Variants in ANKLE2 observed in about 807,000 individuals in gnomAD.
ANKLE2 encodes ankyrin repeat and LEM domain containing 2.
Under a neutral mutation model 84.2 loss-of-function variants are expected in ANKLE2, and 55 were observed. The ratio of observed to expected loss-of-function variants is 0.65; its 90% confidence interval spans 0.53 to 0.82. The LOEUF is 0.82. Ranked by LOEUF, ANKLE2 falls within the 40% of genes least tolerant of loss-of-function variation. The pLI, the probability that ANKLE2 is intolerant of heterozygous loss-of-function variation, is 0.00. For synonymous variants in ANKLE2, 551 were observed against 486.1 expected, an observed-to-expected ratio of 1.13 and a Z score of -1.76; for missense variants, 1,238 against 1,201.9, an observed-to-expected ratio of 1.03 and a Z score of -0.44.
chr12:132,736,373 C>T (rs935918403), intron 8 of ANKLE2, among the ~76,000 whole-genome samples: 1 of 152,228 alleles, frequency 6.6e-6, no homozygotes, highest in African/African-American at 2.4e-5. Context: ...AGTGTACAAC[C>T]TTTGACCCAG....
Position 132,729,851 on chromosome 12 carries a change from C to T in ANKLE2, c.2311G>A (p.Glu771Lys). The T allele has an allele frequency of 6.2e-7, 1 of 1,613,642 alleles. No individual in the cohort carries two copies. The highest frequency in any genetic ancestry group is 8.5e-7 in the Non-Finnish European group (1 of 1,179,880). ...GGAGAAGGCTCTAACAAGTCTCTTT[C>T]TACTGCATTGATTCTTGAAGTCAGG... ...QILTSRINAV[E>K]RDLLEPSPAD... Residue 771 changes from glutamate (E) to lysine (K), a missense_variant, in exon 11 of 13, where the codon GAA becomes AAA. By Grantham distance (56) the Glu-to-Lys change is moderately conservative (BLOSUM62 1). Coordinates refer to ENST00000357997, the MANE Select transcript of ANKLE2 (RefSeq NM_015114.3).
chr12:132,733,376 G>A (rs931564736), intron 10 of ANKLE2, among the ~76,000 whole-genome samples: 1 of 148,672 alleles, frequency 6.7e-6, no homozygotes, highest in Non-Finnish European at 1.5e-5. Context: ...CTGCGTCCTG[G>A]TGTCTGACAG....
intron 1 of ANKLE2, chr12:132,759,628 T>TATATGTGCTATATGA (rs1566042726): frequency 6.8e-6 from 1 of 146,186 alleles, no homozygotes; most frequent in African/African-American, 2.8e-5. Context: ...CAGTATTTTT[T>TATATGTGCTATATGA]TATTTCAGCC....
intron 10 of ANKLE2, among the ~76,000 whole-genome samples, chr12:132,732,664 T>A (rs1267443648): frequency 1.4e-4 from 13 of 95,784 alleles, no homozygotes; most frequent in South Asian, 4.3e-4. Context: ...TGGTGTCTGA[T>A]ACGCACCGTG....
intron 2 of ANKLE2, among the ~76,000 whole-genome samples, chr12:132,754,428 A>G (rs1447260737): frequency 6.6e-6 from 1 of 152,188 alleles, no homozygotes. Flanking sequence ...GTTAATATTA[A>G]TATCTCAGTC....
intron 2 of ANKLE2, among the ~76,000 whole-genome samples, chr12:132,753,097 C>T (rs940974436): frequency 2.0e-5 from 3 of 151,940 alleles, no homozygotes; most frequent in African/African-American, 7.3e-5. Flanking sequence ...ATCACTTGAG[C>T]CCAGGAGTTG....
At chr12:132,753,447 G>A (rs184818898) in intron 2 of ANKLE2, among the ~76,000 whole-genome samples, 1,659 of 151,924 alleles carry the variant, frequency 0.011, 13 homozygotes, top group Non-Finnish European at 0.017. Flanking sequence ...CGTGGGCAAC[G>A]TGGCGAAACC....
rs911850568 is a variant in ANKLE2, at chr12:132,741,370, C to T, written c.1420+49G>A. 12 of 1,590,584 alleles carry T rather than the reference C, an allele frequency of 7.5e-6. No individual in the cohort carries two copies. In the African/African-American group the frequency reaches 1.5e-4, roughly 20 times the overall value. On this transcript the variant is annotated intron_variant, in intron 7 of 12. Coordinates refer to ENST00000357997, the MANE Select transcript of ANKLE2 (RefSeq NM_015114.3). ...TGCTGTGTCCCCCAACGCTCCAAGGCCCTTCCCGGCGTGGACCCCACGATC... is the reference window on the plus strand; with the variant it reads ...TGCTGTGTCCCCCAACGCTCCAAGGTCCTTCCCGGCGTGGACCCCACGATC...
rs1490608500 is a variant in ANKLE2 at position 132,725,626 on chromosome 12, C to A, written c.*1616G>T. On this transcript the variant is annotated 3_prime_UTR_variant, in exon 13 of 13. Coordinates refer to ENST00000357997, the MANE Select transcript of ANKLE2 (RefSeq NM_015114.3). ...CAAACGGAGAAACAGTCAAAGGTGGCCTAAGACCTGGGAAATCAGGAGCAG... is the reference window on the plus strand; with the variant it reads ...CAAACGGAGAAACAGTCAAAGGTGGACTAAGACCTGGGAAATCAGGAGCAG... The A allele has an allele frequency of 6.6e-6, 1 of 152,210 alleles. No individual in the cohort carries two copies. Among genetic ancestry groups the A allele is most frequent in the East Asian group, 1.9e-4 (1 of 5,206 alleles). The allele number at this position is 152,210 out of a possible 1,614,324, so 9.4% of individuals were successfully genotyped here.
At chr12:132,742,360 C>T (rs908129185) in intron 6 of ANKLE2, 1 of 154,670 alleles carries the variant, frequency 6.5e-6, no homozygotes, top group Admixed American at 6.5e-5. Flanking sequence ...ACAGCAATTA[C>T]AGAAGGGGTG....
chr12:132,729,841 A>G lies in ANKLE2; in HGVS notation c.2321T>C (p.Leu774Ser). The G allele has an allele frequency of 2.5e-6, 4 of 1,613,390 alleles. No homozygotes were observed. Among genetic ancestry groups the G allele is most frequent in the Non-Finnish European group, 3.4e-6 (4 of 1,179,782 alleles). ...TSRINAVERD[L>S]LEPSPADQLG... ...TTGGTCTGCGGGAGAAGGCTCTAAC[A>G]AGTCTCTTTCTACTGCATTGATTCT... The change falls in exon 11 of 13, where the codon TTG becomes TCG. Residue 774 changes from leucine to serine, a missense_variant. Leu to Ser is a moderately radical substitution (Grantham distance 145). This residue lies in a region of ANKLE2 where 802 missense variants were observed against 774.5 expected (regional missense o/e 1.04). Transcript: ENST00000357997.
In ANKLE2 at chr12:132,740,170, C is replaced by T. The variant is rs1334312343; in HGVS notation, c.1420+1249G>A. Among the ~76,000 whole-genome samples, 3 of 152,206 alleles carry T rather than the reference C, an allele frequency of 2.0e-5. No homozygotes were observed. The East Asian group carries it at 5.8e-4, about 29-fold the overall frequency. The stretch of plus-strand genomic sequence containing the variant: ...TTCCCAGGGCCTCTGAAGGTTCCGG[C>T]TGGGCCTCTGCAGCGACGCCTCAAC... On this transcript the variant is annotated intron_variant, in intron 7 of 12. Transcript: ENST00000357997.
chr12:132,730,464 T>C (rs1209684521), intron 10 of ANKLE2, 194 bp from the exon 11 acceptor site: 2 of 576,296 alleles, frequency 3.5e-6, no homozygotes, highest in East Asian at 5.7e-5. Context: ...CCTCATCAGA[T>C]TTCAGGATGG....
Position 132,754,697 on chromosome 12 carries a change from A to G in ANKLE2, c.618T>C (p.Tyr206=), listed in dbSNP as rs988659951. Residue 206 remains tyrosine, a synonymous_variant, in exon 2 of 13, where the codon TAT becomes TAC. Transcript: ENST00000357997. The part of the protein sequence containing the change: ...PPLYYGVCPV[Y]EDVPARNERI... ...TACCATTTCTCGCTGGGACGTCCTC[A>G]TACACTGGACACACCCCATAGTACA... 2.1e-5 allele frequency: 34 copies of G among 1,609,466 alleles called. No homozygotes were observed. Among genetic ancestry groups the G allele is most frequent in the Non-Finnish European group, 2.6e-5 (31 of 1,177,454 alleles).
chr12:132,743,859 T>C lies in ANKLE2; in HGVS notation c.1231-583A>G, dbSNP rs2044180857. Among the ~76,000 whole-genome samples, 1 of 152,148 alleles carries C rather than the reference T, an allele frequency of 6.6e-6. No individual in the cohort carries two copies. The highest frequency in any genetic ancestry group is 1.5e-5 in the Non-Finnish European group (1 of 68,028). On this transcript the variant is annotated intron_variant, in intron 5 of 12. Transcript: ENST00000357997. This position sits in a 1 kb window ranked among gnomAD's most constrained non-coding sequence, Gnocchi z 4.1. ...TTTAACCATTCAGGGCCCAGTACAA[T>C]GTCATGTAAAACATGCCCAGGAAGT...
rs1326298007 is a variant in ANKLE2 at position 132,728,047 on chromosome 12, G to C, written c.2600C>G (p.Pro867Arg). 1 of 1,608,066 alleles carries C rather than the reference G, an allele frequency of 6.2e-7. No homozygotes were observed. The highest frequency in any genetic ancestry group is 1.3e-5 in the African/African-American group (1 of 74,636). ...CCCCACATACCTCTGTCTGTCCGAG[G>C]GTGAGTAGCACAGGACAGCACTCTT... ...RWKSAVLCYS[P>R]SDRQSWPSPA... is the part of the protein sequence containing the mutation. The change falls in exon 12 of 13, where the codon CCC becomes CGC. Residue 867 changes from proline to arginine, a missense_variant. Physicochemically the swap from Pro to Arg is moderately radical, Grantham distance 103 (BLOSUM62 -2). This residue lies in a region of ANKLE2 where 802 missense variants were observed against 774.5 expected (regional missense o/e 1.04). Coordinates refer to ENST00000357997, the MANE Select transcript of ANKLE2 (RefSeq NM_015114.3).
chr12:132,758,594 G>A, intron 1 of ANKLE2: 1 of 151,942 alleles, frequency 6.6e-6, no homozygotes, highest in Non-Finnish European at 1.5e-5. Flanking sequence ...CACGATCTCT[G>A]CTCACCGCAA....
intron 10 of ANKLE2, among the ~76,000 whole-genome samples, chr12:132,732,913 T>C (rs1461305693): frequency 3.6e-5 from 5 of 140,116 alleles, no homozygotes; most frequent in East Asian, 2.2e-4. Context: ...TGAAGCGCTC[T>C]GCATCCTGGT....
intron 1 of ANKLE2, chr12:132,760,117 G>C (rs1376146377): frequency 7.1e-6 from 1 of 140,522 alleles, no homozygotes; most frequent in Non-Finnish European, 1.5e-5. Context: ...CTGGGCCACA[G>C]GGCGAGACTA....
Sources: gnomAD v4.1 joint callset for allele counts (sites outside exome capture counted in the v4.1 genomes callset) on GRCh38, gnomAD v4.1.1 for gene constraint, gnomAD v4.1.1 regional missense constraint, Gnocchi (gnomAD v3.1) non-coding constraint, MANE v1.5 for transcripts, NCBI Gene and HGNC (gene_info 2026-07-23, HGNC 2026-07-21) for gene names.